The following PRKG1 variants were observed in gnomAD, a reference collection of about 807,000 sequenced individuals.
The protein encoded by PRKG1 is protein kinase cGMP-dependent 1.
Under a neutral mutation model 88.1 loss-of-function variants are expected in PRKG1, and 35 were observed. The observed-to-expected ratio is 0.40, with a 90% CI of 0.30 to 0.53. The LOEUF is 0.53. Ranked by LOEUF, PRKG1 falls within the 20% of genes least tolerant of loss-of-function variation. The pLI, the probability that PRKG1 is intolerant of heterozygous loss-of-function variation, is 0.59. For synonymous variants in PRKG1, 303 were observed against 292.5 expected (o/e 1.04, Z -0.37); for missense variants, 540 against 839.8 (o/e 0.64, Z 4.41).
At chr10:51,084,025 G>A (rs1016537804) in intron 1 of PRKG1, among the ~76,000 whole-genome samples, 5 of 152,268 alleles carry the variant, frequency 3.3e-5, no homozygotes, top group South Asian at 2.1e-4. Flanking sequence ...ATCGGAGTCA[G>A]CAAGGAGCTT....
At chr10:52,057,442 G>A (rs966742930) in intron 6 of PRKG1, among the ~76,000 whole-genome samples, 2 of 152,202 alleles carry the variant, frequency 1.3e-5, no homozygotes, top group African/African-American at 2.4e-5. Context: ...GCCTGGAAAC[G>A]TGAGTTGCTT....
intron 2 of PRKG1, among the ~76,000 whole-genome samples, chr10:51,324,849 G>T (rs998998942): frequency 2.0e-5 from 3 of 152,222 alleles, no homozygotes; most frequent in Non-Finnish European, 4.4e-5. Context: ...TAATGCTGCA[G>T]TAAACATGGG....
intron 3 of PRKG1, among the ~76,000 whole-genome samples, chr10:51,612,953 G>A (rs546083738): frequency 2.0e-4 from 31 of 151,874 alleles, no homozygotes; most frequent in Non-Finnish European, 2.9e-4. Context: ...CCATCCTTGC[G>A]TACCTGGTAT....
intron 3 of PRKG1, among the ~76,000 whole-genome samples, chr10:51,673,337 G>A (rs539890801): frequency 1.3e-5 from 2 of 152,276 alleles, no homozygotes; most frequent in African/African-American, 4.8e-5. Context: ...ATGATAAGAT[G>A]TTCTTTGATC....
chr10:51,558,131 A>G (rs1440673665), intron 3 of PRKG1, among the ~76,000 whole-genome samples: 1 of 152,070 alleles, frequency 6.6e-6, no homozygotes, highest in Non-Finnish European at 1.5e-5. Flanking sequence ...TTGAATTTAT[A>G]TTTTCACAGT....
At chr10:51,599,806 C>T (rs895069995) in intron 3 of PRKG1, among the ~76,000 whole-genome samples, 1 of 152,164 alleles carries the variant, frequency 6.6e-6, no homozygotes, top group African/African-American at 2.4e-5. Flanking sequence ...TCTTGATGAG[C>T]TCTTCTTGCC....
chr10:52,138,885 A>T (rs566600916), intron 8 of PRKG1, among the ~76,000 whole-genome samples: 12 of 152,248 alleles, frequency 7.9e-5, no homozygotes, highest in African/African-American at 2.4e-4. Context: ...CCATATATTT[A>T]AAAATGTACC....
At chr10:51,756,424 C>A (rs2132518432) in intron 3 of PRKG1, among the ~76,000 whole-genome samples, 1 of 149,026 alleles carries the variant, frequency 6.7e-6, no homozygotes, top group Admixed American at 6.7e-5. Flanking sequence ...GAGGTTGAGA[C>A]CATGGTGAGA....
At chr10:51,593,953 G>A (rs577274674) in intron 3 of PRKG1, among the ~76,000 whole-genome samples, 1 of 152,156 alleles carries the variant, frequency 6.6e-6, no homozygotes, top group South Asian at 2.1e-4. Flanking sequence ...TTGAACTCCT[G>A]ACCTCAGGTA....
intron 4 of PRKG1, among the ~76,000 whole-genome samples, chr10:51,842,273 C>A (rs1254820858): frequency 6.6e-6 from 1 of 152,174 alleles, no homozygotes; most frequent in Non-Finnish European, 1.5e-5. Flanking sequence ...AACTGTCAAT[C>A]TGGGATTGCT....
intron 3 of PRKG1, among the ~76,000 whole-genome samples, chr10:51,713,181 T>G (rs1256732490): frequency 6.6e-6 from 1 of 152,182 alleles, no homozygotes; most frequent in Non-Finnish European, 1.5e-5. Flanking sequence ...TCTATTAAAT[T>G]TCACCAGCAG....
intron 3 of PRKG1, among the ~76,000 whole-genome samples, chr10:51,487,956 T>C (rs1323144268): frequency 6.6e-6 from 1 of 152,102 alleles, no homozygotes; most frequent in East Asian, 1.9e-4. Flanking sequence ...AAATAGACAA[T>C]CAGCTTTTAA....
rs182990460 is a variant in PRKG1, at chr10:51,030,606, A to G, written c.266+38962A>G. On this transcript the variant is annotated intron_variant, in intron 1 of 17. Transcript: ENST00000401604. ...ATCTCATGTTGAAATGTGATCCCCA[A>G]TTTTGGAGGTGGGGCTTAGTGGGAG... is the stretch of plus-strand genomic sequence containing the variant. Among the ~76,000 whole-genome samples the G allele has an allele frequency of 1.6e-3, 248 of 152,212 alleles. 1 individual carries two copies. Among genetic ancestry groups the G allele is most frequent in the African/African-American group, 5.8e-3 (240 of 41,532 alleles).
rs146294938 is a variant in PRKG1 at position 51,589,337 on chromosome 10, A to T, written c.592+121501A>T. On this transcript the variant is annotated intron_variant, in intron 3 of 17. Coordinates refer to ENST00000373980, the MANE Select transcript of PRKG1 (RefSeq NM_006258.4). ...GTTGCAATATCTAATGAAAAGAATA[A>T]TGCAGCCCAGGCACAGTGGCTCACA... 2.0e-3 allele frequency among the ~76,000 whole-genome samples: 302 copies of T among 152,268 alleles called. 1 individual carries two copies. Among genetic ancestry groups the T allele is most frequent in the African/African-American group, 7.0e-3 (292 of 41,568 alleles).
chr10:51,921,405 C>T (rs1424473817), intron 5 of PRKG1, among the ~76,000 whole-genome samples: 13 of 151,966 alleles, frequency 8.6e-5, no homozygotes, highest in South Asian at 2.1e-4. Context: ...TCTTTTATTT[C>T]CTCTTACTGT....
At chr10:51,253,845 T>A (rs1346417722) in intron 2 of PRKG1, among the ~76,000 whole-genome samples, 1 of 151,990 alleles carries the variant, frequency 6.6e-6, no homozygotes, top group Non-Finnish European at 1.5e-5. Context: ...CTTATACTAT[T>A]ATCATCAAAA....
chr10:51,379,464 A>G (rs1223464186), intron 2 of PRKG1, among the ~76,000 whole-genome samples: 1 of 152,220 alleles, frequency 6.6e-6, no homozygotes, highest in Non-Finnish European at 1.5e-5. Context: ...TGCTGTGGTC[A>G]TTATCTTTAA....
intron 3 of PRKG1, among the ~76,000 whole-genome samples, chr10:51,793,616 C>A (rs1256110673): frequency 1.3e-5 from 2 of 151,838 alleles, no homozygotes; most frequent in African/African-American, 4.8e-5. Context: ...AAATCAAAGA[C>A]AAAGAGAGGA....
intron 7 of PRKG1, among the ~76,000 whole-genome samples, chr10:52,113,846 G>T (rs1010547284): frequency 5.9e-5 from 9 of 152,098 alleles, no homozygotes; most frequent in African/African-American, 2.2e-4. Flanking sequence ...GTTTTATTAA[G>T]CTACAAATTG....
Sources: gnomAD v4.1 joint callset for allele counts (sites outside exome capture counted in the v4.1 genomes callset) on GRCh38, gnomAD v4.1.1 for gene constraint, MANE v1.5 for transcripts, NCBI Gene and HGNC (gene_info 2026-07-23, HGNC 2026-07-21) for gene names.